The following DDX41 variants were observed in gnomAD, a reference collection of about 807,000 sequenced individuals.
DDX41 encodes DEAD-box helicase 41.
Under a neutral mutation model 78.8 loss-of-function variants are expected in DDX41, and 50 were observed. The observed-to-expected ratio is 0.63, with a 90% CI of 0.51 to 0.80. The LOEUF is 0.80. Ranked by LOEUF, DDX41 falls within the 30% of genes least tolerant of loss-of-function variation. DDX41 has a pLI of 0.00. For synonymous variants in DDX41, 381 were observed against 321.5 expected, an observed-to-expected ratio of 1.19 and a Z score of -1.98; for missense variants, 633 against 849.2, an observed-to-expected ratio of 0.75 and a Z score of 3.16.
In DDX41 at chr5:177,514,243, G is replaced by A. The variant is rs1761118656; in HGVS notation, c.936-396C>T. ...GGGGTCTGGCCCATCTGTGAACAGA[G>A]GGCCTGGTCCAGGGCCTCTGGTGGT... On this transcript the variant is annotated intron_variant, in intron 9 of 16. Coordinates refer to ENST00000330503, the MANE Select transcript of DDX41 (RefSeq NM_016222.4). The surrounding 1 kb of genome is among the most constrained non-coding windows in gnomAD (Gnocchi z 4.2). The A allele has an allele frequency of 6.1e-6, 3 of 489,760 alleles. No homozygotes were observed. Among genetic ancestry groups the A allele is most frequent in the Middle Eastern group, 3.0e-4 (1 of 3,312 alleles). The allele number at this position is 489,760 out of a possible 1,614,324, so 30.3% of individuals were successfully genotyped here. A position where few individuals can be genotyped will look rare whatever the true frequency, so the allele number is the denominator to read the frequency against.
In DDX41 at chr5:177,512,570, G is replaced by GC. The variant is rs1188549864; in HGVS notation, c.1474dup (p.Ala492GlyfsTer17). ...GGCAGGGAAGTCCAGGCCCTTGGAG[G>GC]CAACGTCTGTGGCTACTAGGACATC... is the stretch of plus-strand genomic sequence containing the variant. On this transcript the variant is annotated frameshift_variant, in exon 14 of 17. Transcript: ENST00000330503. LOFTEE classifies it high-confidence loss of function. The GC allele has an allele frequency of 1.2e-6, 2 of 1,614,186 alleles. No individual in the cohort carries two copies. The highest frequency in any genetic ancestry group is 1.7e-6 in the Non-Finnish European group (2 of 1,180,032).
rs1761188641 is a variant in DDX41, at chr5:177,515,583, C to T, written c.571+102G>A. On this transcript the variant is annotated intron_variant, in intron 6 of 16. Coordinates refer to ENST00000330503, the MANE Select transcript of DDX41 (RefSeq NM_016222.4). ...CCTCAAATCCCTCCAGCCCCAGTGA[C>T]TGGATCCAATGCAGATGTGGCTGAG... 12 of 1,433,448 alleles carry T rather than the reference C, an allele frequency of 8.4e-6. 1 individual carries two copies. Among genetic ancestry groups the T allele is most frequent in the African/African-American group, 7.1e-5 (5 of 70,862 alleles). The allele number at this position is 1,433,448 out of a possible 1,614,324, so 88.8% of individuals were successfully genotyped here. A position where few individuals can be genotyped will look rare whatever the true frequency, so the allele number is the denominator to read the frequency against.
In DDX41 at chr5:177,513,189, G is replaced by A. The variant is rs114021969; in HGVS notation, c.1231-107C>T. On this transcript the variant is annotated intron_variant, in intron 11 of 16. Coordinates refer to ENST00000330503, the MANE Select transcript of DDX41 (RefSeq NM_016222.4). The surrounding 1 kb of genome is among the most constrained non-coding windows in gnomAD (Gnocchi z 4.6). Reference sequence around the variant, plus strand: ...AGGAGGTGACCAGAAGCCTCTGGCCGCCAAGGGCTGGTGCCCTAAAAATGG... The same window carrying A: ...AGGAGGTGACCAGAAGCCTCTGGCCACCAAGGGCTGGTGCCCTAAAAATGG... 35,810 of 1,509,794 alleles carry A rather than the reference G, an allele frequency of 0.024. 542 individuals carry two copies. Among genetic ancestry groups the A allele is most frequent in the South Asian group, 0.046 (3,741 of 81,184 alleles). The allele number at this position is 1,509,794 out of a possible 1,614,324, so 93.5% of individuals were successfully genotyped here. A position where few individuals can be genotyped will look rare whatever the true frequency, so the allele number is the denominator to read the frequency against.
chr5:177,515,387 A>T, intron 6 of DDX41, 129 bp from the exon 7 acceptor site: 4 of 966,994 alleles, frequency 4.1e-6, no homozygotes, highest in Non-Finnish European at 6.4e-6. Context: ...AGAGAGAGAG[A>T]GTGGAAAAAA....
In DDX41 at chr5:177,516,189, G is replaced by C; in HGVS notation, c.303C>G (p.Arg101=). 6.2e-7 allele frequency: 1 copy of C among 1,614,088 alleles called. No individual in the cohort carries two copies. Among genetic ancestry groups the C allele is most frequent in the African/African-American group, 1.3e-5 (1 of 75,052 alleles). Reference sequence around the variant, plus strand: ...GCTGCTTCTCCTTGGCAGACTCTTTGCGCGCTGAGAAAAGAAGTGGAAGAT... The same window carrying C: ...GCTGCTTCTCCTTGGCAGACTCTTTCCGCGCTGAGAAAAGAAGTGGAAGAT... ...HQHLKEKAEA[R]KESAKEKQLK... Residue 101 remains arginine, a synonymous_variant, in exon 4 of 17, where the codon CGC becomes CGG. Transcript: ENST00000330503.
chr5:177,512,916 T>G (rs1290856533), intron 12 of DDX41, 40 bp from the exon 13 acceptor site: 2 of 1,609,386 alleles, frequency 1.2e-6, no homozygotes, highest in South Asian at 2.2e-5. Flanking sequence ...GCTAACTGCC[T>G]GGGCACCCAC....
At position 177,514,197 on chromosome 5, in the gene DDX41, G is replaced by A. The variant is rs747638845; in HGVS notation, c.936-350C>T. ...CCATCTCCCTAATACTCAGAAGTCCGTGGAGGAAGGCCTCCGGGATGGGGT... is the reference window on the plus strand; with the variant it reads ...CCATCTCCCTAATACTCAGAAGTCCATGGAGGAAGGCCTCCGGGATGGGGT... On this transcript the variant is annotated intron_variant, in intron 9 of 16. Transcript: ENST00000330503. This position sits in a 1 kb window ranked among gnomAD's most constrained non-coding sequence, Gnocchi z 4.2. 1.0e-4 allele frequency: 53 copies of A among 508,026 alleles called. No individual in the cohort carries two copies. In the East Asian group the frequency reaches 1.5e-3, roughly 14 times the overall value. 31.5% of individuals were successfully genotyped at this position (508,026 alleles called of 1,614,324 possible).
chr5:177,515,732 C>T lies in DDX41; in HGVS notation c.524G>A (p.Gly175Asp), dbSNP rs1233284218. 6.2e-7 allele frequency: 1 copy of T among 1,614,136 alleles called. No individual in the cohort carries two copies. The highest frequency in any genetic ancestry group is 1.7e-5 in the Admixed American group (1 of 60,012). The change falls in exon 6 of 17, where the codon GGT (glycine) becomes GAT (aspartate). Residue 175 changes from glycine to aspartate, a missense_variant. Transcript: ENST00000330503. ...KKYHILVEGDGIPPPIKSFKE... is the reference protein window; with the variant it reads ...KKYHILVEGDDIPPPIKSFKE... ...GAAGCTCTTGATGGGTGGTGGGATA[C>T]CGTCTCCCTCCACCAGGATGTGGTA...
Position 177,514,448 on chromosome 5 carries a change from C to G in DDX41, c.935+253G>C, listed in dbSNP as rs1036576308. ...TTCAAATGTCACCTTCCCGGAAAAGCCTTCTCTGAGCTCCCACCTCCCAGA... is the reference window on the plus strand; with the variant it reads ...TTCAAATGTCACCTTCCCGGAAAAGGCTTCTCTGAGCTCCCACCTCCCAGA... On this transcript the variant is annotated intron_variant, in intron 9 of 16. Coordinates refer to ENST00000330503, the MANE Select transcript of DDX41 (RefSeq NM_016222.4). The surrounding 1 kb of genome is among the most constrained non-coding windows in gnomAD (Gnocchi z 4.2). Among the ~76,000 whole-genome samples, 15 of 152,204 alleles carry G rather than the reference C, an allele frequency of 9.9e-5. No individual in the cohort carries two copies. Among genetic ancestry groups the G allele is most frequent in the African/African-American group, 3.6e-4 (15 of 41,436 alleles).
chr5:177,512,963 T>A (rs749817110), intron 12 of DDX41, 48 bp downstream of exon 12: 1 of 1,610,614 alleles, frequency 6.2e-7, no homozygotes, highest in South Asian at 1.1e-5. Flanking sequence ...TCCAAAGCCC[T>A]CCCTGGTCCT....
chr5:177,514,941 G>C lies in DDX41; in HGVS notation c.773C>G (p.Pro258Arg). 1.9e-6 allele frequency: 3 copies of C among 1,612,124 alleles called. No homozygotes were observed. The highest frequency in any genetic ancestry group is 2.5e-6 in the Non-Finnish European group (3 of 1,178,628). ...CGAGGGGCAGATGATGAGTCCATAGGGCCCCTCGCGCTTTGAGAAGGGTAA... is the reference window on the plus strand; with the variant it reads ...CGAGGGGCAGATGATGAGTCCATAGCGCCCCTCGCGCTTTGAGAAGGGTAA... ...KRLPFSKREG[P>R]YGLIICPSRE... Residue 258 changes from proline (P) to arginine (R), a missense_variant, in exon 8 of 17, where the codon CCC (proline) becomes CGC (arginine). Physicochemically the swap from Pro to Arg is moderately radical, Grantham distance 103. This residue lies in a region of DDX41 where 151 missense variants were observed against 169.2 expected (regional missense o/e 0.89). Transcript: ENST00000330503. The surrounding 1 kb of genome is among the most constrained non-coding windows in gnomAD (Gnocchi z 4.2).
rs1196477633 is a variant in DDX41 at position 177,515,223 on chromosome 5, G to A, written c.607C>T (p.His203Tyr). The A allele has an allele frequency of 4.3e-6, 7 of 1,613,866 alleles. No homozygotes were observed. The highest frequency in any genetic ancestry group is 5.9e-6 in the Non-Finnish European group (7 of 1,180,018). Reference sequence around the variant, plus strand: ...CCCTGGATCTGAATGGGTGTTGGGTGGTGAATGCCTTTCTTCTTCAGGCCT... The same window carrying A: ...CCCTGGATCTGAATGGGTGTTGGGTAGTGAATGCCTTTCTTCTTCAGGCCT... The part of the protein sequence containing the change: ...LRGLKKKGIH[H>Y]PTPIQIQGIP... The change falls in exon 7 of 17, where the codon CAC (histidine) becomes TAC (tyrosine). Residue 203 changes from histidine to tyrosine, a missense_variant. His to Tyr is a moderately conservative substitution (Grantham distance 83). This residue lies in a region of DDX41 where 126 missense variants were observed against 115.5 expected (regional missense o/e 1.09). Transcript: ENST00000330503.
At chr5:177,515,883 C>T in intron 5 of DDX41, 46 bp downstream of exon 5, 1 of 1,614,166 alleles carries the variant, frequency 6.2e-7, no homozygotes, top group Non-Finnish European at 8.5e-7. Context: ...AGCATCCCTG[C>T]ATGTACCATC....
In DDX41 at chr5:177,513,308, C is replaced by T; in HGVS notation, c.1230+45G>A. Reference sequence around the variant, plus strand: ...CAGCTTCAGGGAGACTTGTCAGATCCAGCCCCCACAGGTGAGAGACCGCCC... The same window carrying T: ...CAGCTTCAGGGAGACTTGTCAGATCTAGCCCCCACAGGTGAGAGACCGCCC... On this transcript the variant is annotated intron_variant, in intron 11 of 16. Transcript: ENST00000330503. The surrounding 1 kb of genome is among the most constrained non-coding windows in gnomAD (Gnocchi z 4.6). The T allele has an allele frequency of 6.2e-7, 1 of 1,612,300 alleles. No individual in the cohort carries two copies. The highest frequency in any genetic ancestry group is 8.5e-7 in the Non-Finnish European group (1 of 1,179,082).
At position 177,514,287 on chromosome 5, in the gene DDX41, C is replaced by T; in HGVS notation, c.935+414G>A. Reference sequence around the variant, plus strand: ...TGGTGGTCTGCAGAGGACTGCACAGCACTGAAAGGACACAGGTGCCGCTGG... The same window carrying T: ...TGGTGGTCTGCAGAGGACTGCACAGTACTGAAAGGACACAGGTGCCGCTGG... On this transcript the variant is annotated intron_variant, in intron 9 of 16. Coordinates refer to ENST00000330503, the MANE Select transcript of DDX41 (RefSeq NM_016222.4). The surrounding 1 kb of genome is among the most constrained non-coding windows in gnomAD (Gnocchi z 4.2). The T allele has an allele frequency of 2.1e-6, 1 of 486,380 alleles. No homozygotes were observed. Among genetic ancestry groups the T allele is most frequent in the Non-Finnish European group, 4.0e-6 (1 of 249,084 alleles). 30.1% of individuals were successfully genotyped at this position (486,380 alleles called of 1,614,324 possible).
chr5:177,513,536 C>A lies in DDX41; in HGVS notation c.1099-52G>T, dbSNP rs777898451. 1 of 1,613,284 alleles carries A rather than the reference C, an allele frequency of 6.2e-7. No individual in the cohort carries two copies. Among genetic ancestry groups the A allele is most frequent in the South Asian group, 1.1e-5 (1 of 91,054 alleles). On this transcript the variant is annotated intron_variant, in intron 10 of 16. Coordinates refer to ENST00000330503, the MANE Select transcript of DDX41 (RefSeq NM_016222.4). This position sits in a 1 kb window ranked among gnomAD's most constrained non-coding sequence, Gnocchi z 4.6. ...GGGCACACAGGGCTGGGCTGAGGGG[C>A]ATGGGGTCTGGGGAAGCTGAGCAAC...
Position 177,512,548 on chromosome 5 carries a change from A to AG in DDX41, c.1496dup (p.Ala500CysfsTer9), listed in dbSNP as rs753425379. On this transcript the variant is annotated frameshift_variant, in exon 14 of 17. Transcript: ENST00000330503. LOFTEE classifies it high-confidence loss of function. ...CATAATTGATGACGTGCTGGATGGC[A>AG]GGGAAGTCCAGGCCCTTGGAGGCAA... The AG allele has an allele frequency of 8.7e-6, 14 of 1,614,130 alleles. No individual in the cohort carries two copies. The East Asian group carries it at 3.1e-4, about 36-fold the overall frequency.
Position 177,511,884 on chromosome 5 carries a change from G to A in DDX41, c.1776C>T (p.Ile592=), listed in dbSNP as rs2127435522. Reference sequence around the variant, plus strand: ...TAGCCTCGAGTTTGGGGCAGTCAGTGATCCGATGACCCAGGCCCCCGCAGA... The same window carrying A: ...TAGCCTCGAGTTTGGGGCAGTCAGTAATCCGATGACCCAGGCCCCCGCAGA... ...CAFCGGLGHR[I]TDCPKLEAMQ... Residue 592 remains isoleucine, a synonymous_variant, in exon 17 of 17, where the codon ATC becomes ATT. Transcript: ENST00000330503. 6.2e-7 allele frequency: 1 copy of A among 1,614,128 alleles called. No homozygotes were observed. Among genetic ancestry groups the A allele is most frequent in the Non-Finnish European group, 8.5e-7 (1 of 1,180,032 alleles).
chr5:177,516,264 C>T (rs374044623), intron 3 of DDX41, 24 bp downstream of exon 3: 7 of 1,614,014 alleles, frequency 4.3e-6, no homozygotes, highest in Non-Finnish European at 5.9e-6. Context: ...TTCTTTCTCG[C>T]CCAGGCAGTG....
Sources: gnomAD v4.1 joint callset for allele counts (sites outside exome capture counted in the v4.1 genomes callset) on GRCh38, gnomAD v4.1.1 for gene constraint, gnomAD v4.1.1 regional missense constraint, Gnocchi (gnomAD v3.1) non-coding constraint, MANE v1.5 for transcripts, NCBI Gene and HGNC (gene_info 2026-07-23, HGNC 2026-07-21) for gene names.